WWOX: variants seen among roughly 807,000 people sequenced by gnomAD.
WWOX encodes WW domain-containing oxidoreductase.
In WWOX, 69 loss-of-function variants were observed where a neutral mutation model predicts 46.2. The observed-to-expected ratio is 1.49, with a 90% CI of 1.23 to 1.82. The LOEUF (loss-of-function observed/expected upper bound fraction) is 1.82, where lower values mean the gene tolerates loss of function less well. Ranked by LOEUF, WWOX falls within the 40% of genes most tolerant of loss-of-function variation. The probability of loss-of-function intolerance (pLI) is 0.00; values close to 1 mark genes in which losing one functional copy is unlikely to be tolerated. For missense variants in WWOX, 919 were observed against 542.6 expected (o/e 1.69, Z -6.89); for synonymous variants, 359 against 202.6 (o/e 1.77, Z -6.56).
chr16:78,855,645 C>A (rs2052548910), intron 8 of WWOX, among the ~76,000 whole-genome samples: 1 of 152,226 alleles, frequency 6.6e-6, no homozygotes, highest in Non-Finnish European at 1.5e-5. Flanking sequence ...GACAACCTGT[C>A]TTCTCCCAGT....
chr16:78,500,079 G>A (rs372753563), intron 8 of WWOX, among the ~76,000 whole-genome samples: 2 of 152,182 alleles, frequency 1.3e-5, no homozygotes, highest in Non-Finnish European at 2.9e-5. Context: ...AAGCAGACTA[G>A]CATGGTTCAA....
intron 5 of WWOX, among the ~76,000 whole-genome samples, chr16:78,204,765 A>C (rs914362209): frequency 6.6e-6 from 1 of 152,314 alleles, no homozygotes; most frequent in South Asian, 2.1e-4. Flanking sequence ...GGGATGAGAA[A>C]TATGAGGGGA....
intron 5 of WWOX, among the ~76,000 whole-genome samples, chr16:78,382,038 C>T (rs952122291): frequency 6.6e-6 from 1 of 152,004 alleles, no homozygotes; most frequent in Admixed American, 6.6e-5. Context: ...ATTTTAGATG[C>T]TTTTTTATAT....
At chr16:78,517,558 A>G (rs2043263119) in intron 8 of WWOX, among the ~76,000 whole-genome samples, 1 of 152,178 alleles carries the variant, frequency 6.6e-6, no homozygotes, top group African/African-American at 2.4e-5. Context: ...ATGGATTTGA[A>G]TTCTGTAACT....
At chr16:78,501,788 C>T (rs999404335) in intron 8 of WWOX, among the ~76,000 whole-genome samples, 3 of 152,266 alleles carry the variant, frequency 2.0e-5, no homozygotes, top group African/African-American at 4.8e-5. Context: ...CCACCCACCT[C>T]AGCCTCCCAA....
intron 8 of WWOX, among the ~76,000 whole-genome samples, chr16:78,860,881 G>A (rs1158883903): frequency 1.3e-5 from 2 of 152,176 alleles, no homozygotes; most frequent in Non-Finnish European, 2.9e-5. Context: ...CTGTCACCCA[G>A]GCTAGAGTGC....
intron 5 of WWOX, among the ~76,000 whole-genome samples, chr16:78,225,541 T>C (rs758364179): frequency 5.9e-5 from 9 of 152,248 alleles, no homozygotes; most frequent in Non-Finnish European, 8.8e-5. Context: ...GGTAACATTA[T>C]ATTGACTCAT....
At chr16:78,422,934 G>T (rs572524429) in intron 6 of WWOX, among the ~76,000 whole-genome samples, 25 of 149,546 alleles carry the variant, frequency 1.7e-4, no homozygotes, top group African/African-American at 6.2e-4. Flanking sequence ...TGCCCAGGCT[G>T]GGGTGCAGTG....
At chr16:78,355,808 G>T (rs895670188) in intron 5 of WWOX, 5 of 723,384 alleles carry the variant, frequency 6.9e-6, no homozygotes, top group Non-Finnish European at 1.2e-5. Flanking sequence ...CATTTTCCTG[G>T]TTGCCCCTCC....
chr16:79,096,836 T>C (rs1173011955), intron 8 of WWOX, among the ~76,000 whole-genome samples: 1 of 152,052 alleles, frequency 6.6e-6, no homozygotes, highest in Non-Finnish European at 1.5e-5. Context: ...TCTCACAGAA[T>C]AAGAAGAAGG....
At chr16:78,897,091 A>AG (rs1295916314) in intron 8 of WWOX, 4 of 151,360 alleles carry the variant, frequency 2.6e-5, no homozygotes, top group Admixed American at 1.3e-4. Context: ...AGAAAAAAAA[A>AG]AAGAAAAAAA....
chr16:78,904,455 T>C (rs1460217996), intron 8 of WWOX, among the ~76,000 whole-genome samples: 4 of 151,944 alleles, frequency 2.6e-5, no homozygotes, highest in African/African-American at 9.7e-5. Flanking sequence ...GCCAGGATGG[T>C]CTTCTTCTCT....
At chr16:78,530,366 A>G (rs28419317) in intron 8 of WWOX, among the ~76,000 whole-genome samples, 6,729 of 152,192 alleles carry the variant, frequency 0.044, 327 homozygotes, top group African/African-American at 0.12. Flanking sequence ...AGGATGGCAG[A>G]TGTGGGGGAT....
intron 8 of WWOX, among the ~76,000 whole-genome samples, chr16:78,637,604 A>G (rs1347985491): frequency 1.3e-5 from 2 of 152,188 alleles, no homozygotes; most frequent in Non-Finnish European, 2.9e-5. Context: ...ACTCACTGAC[A>G]TCATTCCCAG....
At chr16:79,071,999 T>C (rs1007874789) in intron 8 of WWOX, among the ~76,000 whole-genome samples, 2 of 152,214 alleles carry the variant, frequency 1.3e-5, no homozygotes, top group African/African-American at 4.8e-5. Context: ...AAAATGCTTA[T>C]ACGCCGGCCA....
intron 8 of WWOX, among the ~76,000 whole-genome samples, chr16:79,186,623 G>C (rs148999200): frequency 2.0e-5 from 3 of 152,052 alleles, no homozygotes; most frequent in African/African-American, 4.8e-5. Flanking sequence ...AGGCAATGGC[G>C]GTTGGGACTT....
chr16:78,436,576 A>G (rs1007648213), intron 8 of WWOX, among the ~76,000 whole-genome samples: 3 of 152,138 alleles, frequency 2.0e-5, no homozygotes, highest in African/African-American at 2.4e-5. Context: ...AGCGTTCTCT[A>G]TATTAGGTTG....
At chr16:78,806,272 T>A (rs372464431) in intron 8 of WWOX, among the ~76,000 whole-genome samples, 1 of 152,312 alleles carries the variant, frequency 6.6e-6, no homozygotes, top group Non-Finnish European at 1.5e-5. Flanking sequence ...TTGGATATCA[T>A]TGATGAGGGA....
At chr16:78,133,604 C>T (rs2033684587) in intron 4 of WWOX, among the ~76,000 whole-genome samples, 1 of 152,178 alleles carries the variant, frequency 6.6e-6, no homozygotes, top group Non-Finnish European at 1.5e-5. Flanking sequence ...CCATGTTGGC[C>T]AGGCTGGTCT....
Sources: allele counts gnomAD v4.1 joint callset (sites outside exome capture counted in the v4.1 genomes callset), GRCh38; gene constraint gnomAD v4.1.1; transcripts MANE v1.5; gene names NCBI Gene and HGNC (gene_info 2026-07-23, HGNC 2026-07-21).